The following ZFPM1 variants were observed in gnomAD, a reference collection of about 807,000 sequenced individuals.
The protein encoded by ZFPM1 is zinc finger protein, FOG family member 1.
A neutral mutation model predicts 46.3 loss-of-function variants in ZFPM1; 28 were observed. That is an observed-to-expected ratio of 0.60 (90% CI 0.45 to 0.83). The LOEUF is 0.83. Among genes scored for constraint, ZFPM1 ranks in the 40% least tolerant of loss-of-function variants. The probability of loss-of-function intolerance (pLI) is 0.00; values close to 1 mark genes in which losing one functional copy is unlikely to be tolerated. For synonymous variants in ZFPM1, 957 were observed against 675.9 expected, an observed-to-expected ratio of 1.42 and a Z score of -6.45; for missense variants, 1,878 against 1,432.4, an observed-to-expected ratio of 1.31 and a Z score of -5.02.
intron 1 of ZFPM1, among the ~76,000 whole-genome samples, chr16:88,478,807 G>A (rs1213850107): frequency 1.3e-5 from 2 of 152,194 alleles, no homozygotes; most frequent in Non-Finnish European, 1.5e-5. Context: ...AGGGCGGCAG[G>A]GGAAGGAGTT....
chr16:88,455,128 CT>C (rs1907478823), intron 1 of ZFPM1, among the ~76,000 whole-genome samples: 1 of 134,664 alleles, frequency 7.4e-6, no homozygotes, highest in African/African-American at 2.8e-5. Context: ...ATGTTCGGTT[CT>C]GGGGTGTGTG....
chr16:88,475,527 C>T (rs557283742), intron 1 of ZFPM1, among the ~76,000 whole-genome samples: 1 of 151,678 alleles, frequency 6.6e-6, no homozygotes, highest in East Asian at 1.9e-4. Context: ...GGGGGGAGCA[C>T]AGCCAAGAAA....
chr16:88,458,432 A>G (rs562090406), intron 1 of ZFPM1, among the ~76,000 whole-genome samples: 1 of 152,316 alleles, frequency 6.6e-6, no homozygotes, highest in Non-Finnish European at 1.5e-5. Flanking sequence ...GTCACCAGGA[A>G]CCCAGTGTGG....
intron 3 of ZFPM1, among the ~76,000 whole-genome samples, chr16:88,511,193 C>T (rs1034868642): frequency 3.3e-5 from 5 of 152,158 alleles, no homozygotes; most frequent in African/African-American, 1.2e-4. Flanking sequence ...GTGGGGGTGT[C>T]TGGCCACTGC....
chr16:88,465,156 G>A (rs545754332), intron 1 of ZFPM1, among the ~76,000 whole-genome samples: 18 of 152,362 alleles, frequency 1.2e-4, no homozygotes, highest in East Asian at 3.9e-4. Flanking sequence ...ACACCGCAGC[G>A]GCCTCTGCAC....
intron 3 of ZFPM1, among the ~76,000 whole-genome samples, chr16:88,494,443 C>A (rs999864929): frequency 1.3e-5 from 2 of 152,074 alleles, no homozygotes; most frequent in Admixed American, 1.3e-4. Context: ...AAGCAGGACG[C>A]CCGGCCGGGG....
rs867070039 is a variant in ZFPM1, at chr16:88,533,985, C to T, written c.2027C>T (p.Ala676Val). 2 of 1,349,908 alleles carry T rather than the reference C, an allele frequency of 1.5e-6. No homozygotes were observed. Among genetic ancestry groups the T allele is most frequent in the South Asian group, 1.2e-5 (1 of 80,086 alleles). 83.6% of individuals were successfully genotyped at this position (1,349,908 alleles called of 1,614,324 possible). A position where few individuals can be genotyped will look rare whatever the true frequency, so the allele number is the denominator to read the frequency against. Residue 676 changes from alanine to valine, a missense_variant, in exon 10 of 10, where the codon GCG becomes GTG. Coordinates refer to ENST00000319555, the MANE Select transcript of ZFPM1 (RefSeq NM_153813.3). ...AGCCCGGGTAGCTCCGTGGACGACG[C>T]GGAGGACGACCCCAGCCGCACGCTG... ...SQSPGSSVDDAEDDPSRTLCE... is the reference protein window; with the variant it reads ...SQSPGSSVDDVEDDPSRTLCE...
At position 88,483,993 on chromosome 16, in the gene ZFPM1, G is replaced by C. The variant is rs1298182244; in HGVS notation, c.41-1946G>C. Among the ~76,000 whole-genome samples the C allele has an allele frequency of 3.9e-5, 6 of 152,210 alleles. No homozygotes were observed. The East Asian group carries it at 1.2e-3, about 29-fold the overall frequency. ...GACATGAGCCTCTGAACCTGGCGTT[G>C]GACGCTGGCGGGTGGCACGTTTCTT... is the stretch of plus-strand genomic sequence containing the variant. On this transcript the variant is annotated intron_variant, in intron 1 of 9. Coordinates refer to ENST00000319555, the MANE Select transcript of ZFPM1 (RefSeq NM_153813.3).
At chr16:88,501,322 C>T (rs1334286530) in intron 3 of ZFPM1, among the ~76,000 whole-genome samples, 18 of 115,418 alleles carry the variant, frequency 1.6e-4, no homozygotes, top group African/African-American at 2.1e-4. Context: ...ATGGAGATAG[C>T]AGACATGGGT....
In ZFPM1 at chr16:88,512,439, G is replaced by A. The variant is rs72807416; in HGVS notation, c.269-1948G>A. ...TCAGGAATGTTCTGGAACCCGAGGG[G>A]AAGGCATGCCACCCCTTCCCTCTCT... On this transcript the variant is annotated intron_variant, in intron 3 of 9. Transcript: ENST00000319555. Among the ~76,000 whole-genome samples the A allele has an allele frequency of 3.3e-3, 496 of 152,296 alleles. 1 individual carries two copies. The highest frequency in any genetic ancestry group is 5.3e-3 in the Non-Finnish European group (363 of 67,996).
intron 1 of ZFPM1, among the ~76,000 whole-genome samples, chr16:88,458,188 G>A (rs1907642987): frequency 6.6e-6 from 1 of 152,206 alleles, no homozygotes; most frequent in African/African-American, 2.4e-5. Context: ...TGAGCACCGC[G>A]CTGCCTTCTC....
chr16:88,532,796 C>T lies in ZFPM1; in HGVS notation c.1050C>T (p.Cys350=), dbSNP rs1446576527. Residue 350 remains cysteine (C), a synonymous_variant, in exon 9 of 10, where the codon TGC becomes TGT. Transcript: ENST00000319555. ...CCTCGCCATGGCCCACAGGTGTCTG[C>T]CACAGCTGTGGCTTCATCTCCACCA... ...KVHTDTLSGV[C]HSCGFISTTR... is the part of the protein sequence containing the mutation. The T allele has an allele frequency of 1.2e-6, 2 of 1,613,266 alleles. No homozygotes were observed. Among genetic ancestry groups the T allele is most frequent in the Non-Finnish European group, 8.5e-7 (1 of 1,179,930 alleles).
At chr16:88,507,727 AG>A (rs1329755924) in intron 3 of ZFPM1, among the ~76,000 whole-genome samples, 1 of 152,166 alleles carries the variant, frequency 6.6e-6, no homozygotes, top group Non-Finnish European at 1.5e-5. Context: ...GCTGTGGGAA[AG>A]GCCCCCTGCA....
chr16:88,474,577 C>G (rs1165670971), intron 1 of ZFPM1, among the ~76,000 whole-genome samples: 3 of 152,180 alleles, frequency 2.0e-5, no homozygotes, highest in African/African-American at 7.2e-5. Context: ...CGTCCCACTT[C>G]GGGGGGCGGG....
intron 3 of ZFPM1, among the ~76,000 whole-genome samples, chr16:88,501,649 G>C (rs12596737): frequency 0.94 from 108,466 of 115,746 alleles, 50,940 homozygotes; most frequent in Non-Finnish European, 0.97. Context: ...GTGGGCCATC[G>C]CGCAGGTGCT....
intron 6 of ZFPM1, among the ~76,000 whole-genome samples, chr16:88,531,661 G>C (rs1282456250): frequency 1.3e-5 from 2 of 152,210 alleles, no homozygotes; most frequent in Non-Finnish European, 2.9e-5. Flanking sequence ...ACCCCAGTAT[G>C]TCATGGATGC....
Position 88,534,516 on chromosome 16 carries a change from C to T in ZFPM1, c.2558C>T (p.Ala853Val), listed in dbSNP as rs1480659224. Residue 853 changes from alanine (A) to valine (V), a missense_variant, in exon 10 of 10, where the codon GCC becomes GTC. By Grantham distance (64) the Ala-to-Val change is moderately conservative. Coordinates refer to ENST00000319555, the MANE Select transcript of ZFPM1 (RefSeq NM_153813.3). Reference sequence around the variant, plus strand: ...CCGCCCGGCGCGCTCGGCCTGCCCGCCGCCGCCTGCCCCTACTGCCCCCCG... The same window carrying T: ...CCGCCCGGCGCGCTCGGCCTGCCCGTCGCCGCCTGCCCCTACTGCCCCCCG... ...APPPGALGLPAAACPYCPPNG... is the reference protein window; with the variant it reads ...APPPGALGLPVAACPYCPPNG... 2.8e-6 allele frequency: 4 copies of T among 1,442,654 alleles called. No individual in the cohort carries two copies. Among genetic ancestry groups the T allele is most frequent in the Non-Finnish European group, 3.6e-6 (4 of 1,100,930 alleles). The allele number at this position is 1,442,654 out of a possible 1,614,324, so 89.4% of individuals were successfully genotyped here. A position where few individuals can be genotyped will look rare whatever the true frequency, so the allele number is the denominator to read the frequency against.
At chr16:88,482,379 A>G (rs1448309688) in intron 1 of ZFPM1, among the ~76,000 whole-genome samples, 1 of 151,970 alleles carries the variant, frequency 6.6e-6, no homozygotes, top group African/African-American at 2.4e-5. Context: ...GACACATCCT[A>G]TTTGTGGGCT....
In ZFPM1 at chr16:88,501,633, G is replaced by C. The variant is rs1459441749; in HGVS notation, c.268+12480G>C. The stretch of plus-strand genomic sequence containing the variant: ...TGGTGATGATGGAGATAGTGGGCCT[G>C]GGTGCGTGGGCCATCGCGCAGGTGC... On this transcript the variant is annotated intron_variant, in intron 3 of 9. Transcript: ENST00000319555. 3.2e-5 allele frequency among the ~76,000 whole-genome samples: 4 copies of C among 124,526 alleles called. 1 individual carries two copies. Among genetic ancestry groups the C allele is most frequent in the African/African-American group, 1.2e-4 (4 of 32,706 alleles). 81.7% of individuals were successfully genotyped at this position (124,526 alleles called of 152,430 possible).
Sources: gnomAD v4.1 joint callset for allele counts (sites outside exome capture counted in the v4.1 genomes callset) on GRCh38, gnomAD v4.1.1 for gene constraint, MANE v1.5 for transcripts, NCBI Gene and HGNC (gene_info 2026-07-23, HGNC 2026-07-21) for gene names.